GRIA4: variants seen among roughly 807,000 people sequenced by gnomAD.
GRIA4 encodes glutamate ionotropic receptor AMPA type subunit 4.
GRIA4 carries 34 observed loss-of-function variants against 104.0 expected under a neutral mutation model. The ratio of observed to expected loss-of-function variants is 0.33; its 90% CI spans 0.25 to 0.44. The LOEUF (loss-of-function observed/expected upper bound fraction) is 0.44, where lower values mean the gene tolerates loss of function less well. GRIA4 is among the 20% of genes least tolerant of loss of function. The pLI is 1.00. For missense variants in GRIA4, 750 were observed against 1,096.5 expected (o/e 0.68, Z 4.46); for synonymous variants, 386 against 381.9 (o/e 1.01, Z -0.13).
chr11:105,685,448 T>C (rs1373652120), intron 3 of GRIA4, among the ~76,000 whole-genome samples: 2 of 152,214 alleles, frequency 1.3e-5, no homozygotes, highest in Non-Finnish European at 2.9e-5. Flanking sequence ...ATTATTATGT[T>C]AGATTATGTG....
chr11:105,847,893 T>G (rs918707761), intron 4 of GRIA4, among the ~76,000 whole-genome samples: 5 of 152,316 alleles, frequency 3.3e-5, no homozygotes, highest in Middle Eastern at 3.4e-3. Flanking sequence ...GGTTCTGGAC[T>G]TTGTAACTAT....
At chr11:105,870,995 T>C (rs951023967) in intron 5 of GRIA4, among the ~76,000 whole-genome samples, 12 of 152,074 alleles carry the variant, frequency 7.9e-5, no homozygotes, top group African/African-American at 2.9e-4. Context: ...GTCACATTTA[T>C]ACCAGTGTAT....
chr11:105,728,330 T>C (rs770190484), intron 3 of GRIA4, among the ~76,000 whole-genome samples: 4 of 152,230 alleles, frequency 2.6e-5, no homozygotes, highest in Admixed American at 2.0e-4. Flanking sequence ...CTAATTATTC[T>C]AAATATATAT....
chr11:105,655,195 T>C (rs772168307), intron 3 of GRIA4, among the ~76,000 whole-genome samples: 63 of 152,318 alleles, frequency 4.1e-4, no homozygotes, highest in African/African-American at 1.1e-3. Flanking sequence ...TTCTACATTA[T>C]ACACATGATT....
intron 9 of GRIA4, among the ~76,000 whole-genome samples, chr11:105,908,730 A>C (rs1947130289): frequency 6.6e-6 from 1 of 152,172 alleles, no homozygotes; most frequent in African/African-American, 2.4e-5. Context: ...CAAAATGTCA[A>C]GGTCTTGCCA....
intron 4 of GRIA4, among the ~76,000 whole-genome samples, chr11:105,784,880 T>C (rs546285315): frequency 8.5e-5 from 13 of 152,302 alleles, no homozygotes; most frequent in African/African-American, 2.6e-4. Context: ...AGTACAGCCA[T>C]GATTTGTAAA....
chr11:105,711,781 C>A (rs1159110669), intron 3 of GRIA4, among the ~76,000 whole-genome samples: 1 of 152,036 alleles, frequency 6.6e-6, no homozygotes, highest in Non-Finnish European at 1.5e-5. Context: ...AAGTGTGGCA[C>A]CTGTCCTTAA....
chr11:105,856,161 T>C (rs1200881254), intron 4 of GRIA4, among the ~76,000 whole-genome samples: 1 of 152,168 alleles, frequency 6.6e-6, no homozygotes, highest in Non-Finnish European at 1.5e-5. Flanking sequence ...TACTACCATG[T>C]GGGTTCCTAA....
Position 105,612,327 on chromosome 11 carries a change from C to G in GRIA4, c.140C>G (p.Ala47Gly). 1 of 1,614,014 alleles carries G rather than the reference C, an allele frequency of 6.2e-7. No homozygotes were observed. The highest frequency in any genetic ancestry group is 8.5e-7 in the Non-Finnish European group (1 of 1,179,882). Residue 47 changes from alanine to glycine, a missense_variant, in exon 3 of 17, where the codon GCA (alanine) becomes GGA (glycine). By Grantham distance (60) the Ala-to-Gly change is moderately conservative. Transcript: ENST00000282499. The part of the protein sequence containing the change: ...TDQEYTAFRL[A>G]IFLHNTSPNA... ...CAGGAATACACTGCTTTTCGATTAGCAATTTTTCTTCATAACACCAGCCCC... is the reference window on the plus strand; with the variant it reads ...CAGGAATACACTGCTTTTCGATTAGGAATTTTTCTTCATAACACCAGCCCC...
At chr11:105,784,496 C>T (rs1437234721) in intron 4 of GRIA4, among the ~76,000 whole-genome samples, 1 of 152,186 alleles carries the variant, frequency 6.6e-6, no homozygotes, top group Non-Finnish European at 1.5e-5. Flanking sequence ...TCTGGCCTTT[C>T]TCATCTTTGA....
chr11:105,791,426 G>A (rs915652407), intron 4 of GRIA4, among the ~76,000 whole-genome samples: 4 of 152,100 alleles, frequency 2.6e-5, no homozygotes, highest in Non-Finnish European at 5.9e-5. Flanking sequence ...AGTTGTAAAT[G>A]TTTTTCTAAT....
At position 105,684,560 on chromosome 11, in the gene GRIA4, T is replaced by TAC. The variant is rs1042557317; in HGVS notation, c.248-68416_248-68415dup. 2.6e-4 allele frequency among the ~76,000 whole-genome samples: 36 copies of TAC among 137,896 alleles called. No homozygotes were observed. The East Asian group carries it at 3.1e-3, about 12-fold the overall frequency. 90.5% of individuals were successfully genotyped at this position (137,896 alleles called of 152,430 possible). A position where few individuals can be genotyped will look rare whatever the true frequency, so the allele number is the denominator to read the frequency against. On this transcript the variant is annotated intron_variant, in intron 3 of 16. Transcript: ENST00000282499. The stretch of plus-strand genomic sequence containing the variant: ...ATATATATATACATATATATATATA[T>TAC]ACACACCTTTATTTATTGACTATAT...
At chr11:105,754,064 C>A (rs561327758) in intron 4 of GRIA4, among the ~76,000 whole-genome samples, 85 of 152,194 alleles carry the variant, frequency 5.6e-4, no homozygotes, top group South Asian at 1.0e-3. Flanking sequence ...CCCTCTTTCT[C>A]CCCAGAGGTT....
Position 105,702,125 on chromosome 11 carries a change from G to T in GRIA4, c.248-50856G>T, listed in dbSNP as rs987049543. 2.0e-5 allele frequency among the ~76,000 whole-genome samples: 3 copies of T among 152,082 alleles called. No homozygotes were observed. The East Asian group carries it at 5.8e-4, about 29-fold the overall frequency. ...ATTTTAAAAATGTGTTTAGAGAAAG[G>T]ATCTCACTATGTTACCCAGGCTGGT... On this transcript the variant is annotated intron_variant, in intron 3 of 16. Transcript: ENST00000282499.
intron 3 of GRIA4, among the ~76,000 whole-genome samples, chr11:105,685,155 G>T: frequency 7.5e-6 from 1 of 133,970 alleles, no homozygotes; most frequent in African/African-American, 2.7e-5. Context: ...GGGAAGGAGG[G>T]AGGAAGGAAG....
intron 3 of GRIA4, among the ~76,000 whole-genome samples, chr11:105,692,263 A>C (rs1289661850): frequency 3.3e-5 from 5 of 152,150 alleles, no homozygotes; most frequent in Admixed American, 3.3e-4. Flanking sequence ...TTTAAAAAAA[A>C]AAAGAAAGTT....
intron 14 of GRIA4, among the ~76,000 whole-genome samples, chr11:105,950,128 T>C (rs758599725): frequency 4.9e-4 from 74 of 152,348 alleles, no homozygotes; most frequent in Non-Finnish European, 7.5e-4. Flanking sequence ...GAGGCAATCA[T>C]GAATTTGTGA....
At chr11:105,851,095 G>A (rs1187442235) in intron 4 of GRIA4, among the ~76,000 whole-genome samples, 1 of 152,076 alleles carries the variant, frequency 6.6e-6, no homozygotes, top group South Asian at 2.1e-4. Flanking sequence ...TGCCAATAAA[G>A]CACTTAATAC....
intron 9 of GRIA4, among the ~76,000 whole-genome samples, chr11:105,908,136 T>A (rs10895883): frequency 6.6e-6 from 1 of 151,988 alleles, no homozygotes; most frequent in Non-Finnish European, 1.5e-5. Flanking sequence ...TTCTCTATGT[T>A]CTAGGCCAAG....
Sources: allele counts gnomAD v4.1 joint callset (sites outside exome capture counted in the v4.1 genomes callset), GRCh38; gene constraint gnomAD v4.1.1; transcripts MANE v1.5; gene names NCBI Gene and HGNC (gene_info 2026-07-23, HGNC 2026-07-21).